The following COL5A2 variants were observed in gnomAD, a reference collection of about 807,000 sequenced individuals.
COL5A2 encodes the protein collagen type V alpha 2 chain, also known as collagen alpha-2(V) chain.
COL5A2 carries 23 observed loss-of-function variants against 208.2 expected under a neutral mutation model. That is an observed-to-expected ratio of 0.11 (90% CI 0.08 to 0.16). The LOEUF is 0.16. Among genes scored for constraint, COL5A2 ranks in the 10% least tolerant of loss-of-function variants. The pLI, the probability that COL5A2 is intolerant of heterozygous loss-of-function variation, is 1.00. For synonymous variants in COL5A2, 625 were observed against 628.5 expected, an observed-to-expected ratio of 0.99 and a Z score of 0.08; for missense variants, 1,590 against 1,956.4, an observed-to-expected ratio of 0.81 and a Z score of 3.53.
chr2:189,206,766 G>C (rs1245631013), intron 1 of COL5A2, among the ~76,000 whole-genome samples: 1 of 152,168 alleles, frequency 6.6e-6, no homozygotes, highest in African/African-American at 2.4e-5. Flanking sequence ...AGCCACAGAG[G>C]ACAGCAGGAT....
the COL5A2 span, among the ~76,000 whole-genome samples, chr2:189,256,703 G>A: frequency 1.3e-5 from 2 of 152,132 alleles, no homozygotes; most frequent in African/African-American, 4.8e-5. Flanking sequence ...CCAGACTGGA[G>A]TGCAGTGGTG....
chr2:189,207,707 C>T (rs1345659201), intron 1 of COL5A2, among the ~76,000 whole-genome samples: 4 of 152,198 alleles, frequency 2.6e-5, no homozygotes, highest in Admixed American at 1.3e-4. Flanking sequence ...CTTCACTCTA[C>T]TCCACTTAGC....
intron 1 of COL5A2, among the ~76,000 whole-genome samples, chr2:189,116,749 C>T (rs1402268849): frequency 1.3e-5 from 2 of 152,012 alleles, no homozygotes; most frequent in Non-Finnish European, 2.9e-5. Flanking sequence ...TCCTTTTTTC[C>T]TTGTACCAAC....
chr2:189,043,468 A>T (rs1685601782), intron 47 of COL5A2, among the ~76,000 whole-genome samples: 2 of 152,098 alleles, frequency 1.3e-5, no homozygotes, highest in African/African-American at 4.8e-5. Flanking sequence ...TCACTGAAAA[A>T]AGATATAATA....
chr2:189,268,022 T>C, the COL5A2 span, among the ~76,000 whole-genome samples: 10 of 152,322 alleles, frequency 6.6e-5, no homozygotes, highest in African/African-American at 2.4e-4. Flanking sequence ...GTGGGCTTTA[T>C]ATGTTTCCCT....
intron 1 of COL5A2, among the ~76,000 whole-genome samples, chr2:189,168,237 GTT>G (rs34356887): frequency 2.9e-5 from 4 of 139,650 alleles, no homozygotes; most frequent in Admixed American, 7.2e-5. Context: ...CTGTGCCCGG[GTT>G]TTTTTTTTTT....
At chr2:189,194,128 C>T (rs1688964897) in intron 1 of COL5A2, among the ~76,000 whole-genome samples, 1 of 151,938 alleles carries the variant, frequency 6.6e-6, no homozygotes, top group African/African-American at 2.4e-5. Flanking sequence ...TATAATCCAC[C>T]ACAAAAAGTT....
chr2:189,210,160 C>A (rs954830580), intron 1 of COL5A2, among the ~76,000 whole-genome samples: 1 of 151,990 alleles, frequency 6.6e-6, no homozygotes, highest in Non-Finnish European at 1.5e-5. Context: ...GCATGACACA[C>A]AAGAAAAGTA....
chr2:189,061,234 G>A (rs1001252685), intron 30 of COL5A2, among the ~76,000 whole-genome samples: 11 of 152,038 alleles, frequency 7.2e-5, no homozygotes, highest in Admixed American at 4.6e-4. Context: ...TCACTGTGCC[G>A]ATAAAACAAA....
the COL5A2 span, among the ~76,000 whole-genome samples, chr2:189,346,165 C>T: frequency 3.3e-5 from 5 of 152,042 alleles, no homozygotes; most frequent in Admixed American, 2.6e-4. Context: ...AACTATAGGC[C>T]GCTTGAGGCA....
At chr2:189,077,209 A>G (rs1686425791) in intron 16 of COL5A2, among the ~76,000 whole-genome samples, 1 of 152,142 alleles carries the variant, frequency 6.6e-6, no homozygotes. Context: ...TTTGGAAGAC[A>G]ACTTAAGCCT....
At chr2:189,107,395 T>C (rs1310615571) in intron 2 of COL5A2, among the ~76,000 whole-genome samples, 1 of 151,612 alleles carries the variant, frequency 6.6e-6, no homozygotes. Flanking sequence ...TTTCATGTTG[T>C]TTTACTTTCA....
the COL5A2 span, among the ~76,000 whole-genome samples, chr2:189,372,904 C>G: frequency 6.6e-6 from 1 of 152,096 alleles, no homozygotes; most frequent in Non-Finnish European, 1.5e-5. Flanking sequence ...CTCACACAAA[C>G]AAGCTTTATT....
rs539785056 is a variant in COL5A2 at position 189,096,772 on chromosome 2, A to G, written c.456+505T>C. On this transcript the variant is annotated intron_variant, in intron 6 of 53. Transcript: ENST00000374866. ...TCAAAGATATTGAGGTCACTATTTTATTGTAAAGGTATTTCACTTGTCTAG... is the reference window on the plus strand; with the variant it reads ...TCAAAGATATTGAGGTCACTATTTTGTTGTAAAGGTATTTCACTTGTCTAG... Among the ~76,000 whole-genome samples, 3 of 152,290 alleles carry G rather than the reference A, an allele frequency of 2.0e-5. 1 individual carries two copies. The South Asian group carries it at 6.2e-4, about 32-fold the overall frequency.
Position 189,072,765 on chromosome 2 carries a change from C to CAAAAAAAAAAAAA in COL5A2, c.1105-685_1105-673dup, listed in dbSNP as rs58636533. ...CCAACCTGCAGTCAGACTCCATCTC[C>CAAAAAAAAAAAAA]AAAAAAAAAAAAAAAAAAAAACCAT... is the stretch of plus-strand genomic sequence containing the variant. On this transcript the variant is annotated intron_variant, in intron 17 of 53. Coordinates refer to ENST00000374866, the MANE Select transcript of COL5A2 (RefSeq NM_000393.5). Among the ~76,000 whole-genome samples the CAAAAAAAAAAAAA allele has an allele frequency of 8.9e-5, 6 of 67,528 alleles. 1 individual carries two copies. The highest frequency in any genetic ancestry group is 1.1e-4 in the Non-Finnish European group (4 of 35,052). The allele number at this position is 67,528 out of a possible 152,430, so 44.3% of individuals were successfully genotyped here.
chr2:189,136,792 C>A (rs929850772), intron 1 of COL5A2, among the ~76,000 whole-genome samples: 1 of 151,950 alleles, frequency 6.6e-6, no homozygotes, highest in Non-Finnish European at 1.5e-5. Flanking sequence ...AATCACACTG[C>A]TTTTTTCCAT....
chr2:189,327,006 G>A, the COL5A2 span, among the ~76,000 whole-genome samples: 1 of 150,916 alleles, frequency 6.6e-6, no homozygotes, highest in Non-Finnish European at 1.5e-5. Context: ...AGGAGGCAAA[G>A]GTTGCAGTGA....
At chr2:189,150,761 C>T (rs1688126638) in intron 1 of COL5A2, among the ~76,000 whole-genome samples, 1 of 152,128 alleles carries the variant, frequency 6.6e-6, no homozygotes, top group Admixed American at 6.5e-5. Context: ...TCCTCAAACA[C>T]TAAATTAATT....
chr2:189,110,783 A>C (rs2105713219), intron 1 of COL5A2, among the ~76,000 whole-genome samples: 1 of 152,288 alleles, frequency 6.6e-6, no homozygotes, highest in South Asian at 2.1e-4. Flanking sequence ...AAAGAGAACC[A>C]TCTGAAAATG....
Sources: allele counts gnomAD v4.1 joint callset (sites outside exome capture counted in the v4.1 genomes callset), GRCh38; gene constraint gnomAD v4.1.1; transcripts MANE v1.5; gene names NCBI Gene and HGNC (gene_info 2026-07-23, HGNC 2026-07-21).